CLYBL: variants seen among roughly 807,000 people sequenced by gnomAD.
The protein encoded by CLYBL is citramalyl-CoA lyase.
CLYBL carries 31 observed loss-of-function variants against 38.9 expected under a neutral mutation model. The ratio of observed to expected loss-of-function variants is 0.80; its 90% CI spans 0.60 to 1.08. The LOEUF is 1.08. Among genes scored for constraint, CLYBL ranks in the 50% least tolerant of loss-of-function variants. The pLI is 0.00. For missense variants in CLYBL, 434 were observed against 411.6 expected (o/e 1.05, Z -0.47); for synonymous variants, 171 against 158.6 (o/e 1.08, Z -0.59).
At chr13:99,867,537 G>A (rs1449040220) in intron 6 of CLYBL, among the ~76,000 whole-genome samples, 1 of 151,972 alleles carries the variant, frequency 6.6e-6, no homozygotes, top group African/African-American at 2.4e-5. Context: ...ATCTCGTATA[G>A]GGAAATACTC....
intron 1 of CLYBL, among the ~76,000 whole-genome samples, chr13:99,607,442 A>T (rs2046545118): frequency 6.6e-6 from 1 of 152,178 alleles, no homozygotes; most frequent in African/African-American, 2.4e-5. Flanking sequence ...GCAGATGCAG[A>T]TATTAGTTGG....
chr13:99,880,068 A>ATATATT lies in CLYBL; in HGVS notation c.927+9007_927+9008insATATTT, dbSNP rs34063235. ...TGTGTATGTATATATATATATATATATTTTTTTTTTTTTTTTTGAGACAGA... is the reference window on the plus strand; with the variant it reads ...TGTGTATGTATATATATATATATATATATATTTTTTTTTTTTTTTTTTTGAGACAGA... On this transcript the variant is annotated intron_variant, in intron 7 of 8. Transcript: ENST00000339105. Among the ~76,000 whole-genome samples, 560 of 101,184 alleles carry ATATATT rather than the reference A, an allele frequency of 5.5e-3. 10 individuals carry two copies. The highest frequency in any genetic ancestry group is 0.011 in the African/African-American group (282 of 24,658). 66.4% of individuals were successfully genotyped at this position (101,184 alleles called of 152,430 possible).
intron 2 of CLYBL, among the ~76,000 whole-genome samples, chr13:99,782,655 T>C (rs2049684002): frequency 6.6e-6 from 1 of 152,242 alleles, no homozygotes; most frequent in Non-Finnish European, 1.5e-5. Flanking sequence ...ACTGAAGTTT[T>C]ACTAAAATGT....
chr13:99,867,830 G>A (rs372709303), intron 6 of CLYBL, among the ~76,000 whole-genome samples: 7 of 152,154 alleles, frequency 4.6e-5, no homozygotes, highest in Non-Finnish European at 8.8e-5. Flanking sequence ...GCACTGCATC[G>A]ACACTGGCCC....
intron 1 of CLYBL, among the ~76,000 whole-genome samples, chr13:99,627,988 T>G (rs2046893149): frequency 6.6e-6 from 1 of 152,228 alleles, no homozygotes; most frequent in Non-Finnish European, 1.5e-5. Flanking sequence ...GGTGCTGTAT[T>G]TGGCATGTTG....
intron 2 of CLYBL, among the ~76,000 whole-genome samples, chr13:99,858,463 T>C (rs886119728): frequency 6.6e-6 from 1 of 152,206 alleles, no homozygotes; most frequent in Non-Finnish European, 1.5e-5. Context: ...TTAGCCAATT[T>C]CTTATGTTTA....
At chr13:99,721,765 G>A (rs562020468) in intron 1 of CLYBL, among the ~76,000 whole-genome samples, 1 of 152,106 alleles carries the variant, frequency 6.6e-6, no homozygotes, top group South Asian at 2.1e-4. Context: ...GGTACCCATT[G>A]GCCCGCATGT....
chr13:99,761,645 T>G (rs960983922), intron 1 of CLYBL, among the ~76,000 whole-genome samples: 3 of 152,232 alleles, frequency 2.0e-5, no homozygotes, highest in Admixed American at 2.0e-4. Flanking sequence ...AACATACTCA[T>G]TTTGATATAT....
intron 1 of CLYBL, among the ~76,000 whole-genome samples, chr13:99,628,845 G>T (rs1368858691): frequency 6.6e-6 from 1 of 152,198 alleles, no homozygotes; most frequent in Non-Finnish European, 1.5e-5. Context: ...TTGTGATATT[G>T]TTATTTTCTG....
At chr13:99,638,877 G>A (rs564014030) in intron 1 of CLYBL, among the ~76,000 whole-genome samples, 39 of 152,274 alleles carry the variant, frequency 2.6e-4, no homozygotes, top group African/African-American at 7.5e-4. Flanking sequence ...CCATCACTGG[G>A]TCAGAGAGCC....
At chr13:99,888,153 G>T (rs1428869203) in intron 7 of CLYBL, among the ~76,000 whole-genome samples, 1 of 152,150 alleles carries the variant, frequency 6.6e-6, no homozygotes, top group African/African-American at 2.4e-5. Flanking sequence ...CCATGCACAG[G>T]CTGCAGAGTT....
At chr13:99,749,604 A>G (rs2048917968) in intron 1 of CLYBL, among the ~76,000 whole-genome samples, 1 of 152,212 alleles carries the variant, frequency 6.6e-6, no homozygotes, top group African/African-American at 2.4e-5. Flanking sequence ...ACAAAAGACC[A>G]TGTCTTCATT....
chr13:99,875,717 T>A (rs1393453962), intron 7 of CLYBL, among the ~76,000 whole-genome samples: 1 of 152,184 alleles, frequency 6.6e-6, no homozygotes, highest in African/African-American at 2.4e-5. Context: ...CAACAGTGTA[T>A]CCTCCCACAC....
At chr13:99,679,554 T>G (rs2047703839) in intron 1 of CLYBL, among the ~76,000 whole-genome samples, 1 of 152,142 alleles carries the variant, frequency 6.6e-6, no homozygotes, top group South Asian at 2.1e-4. Context: ...ACTTTCTTTT[T>G]CCTTGTGAAT....
intron 1 of CLYBL, among the ~76,000 whole-genome samples, chr13:99,709,192 T>C (rs753370620): frequency 6.6e-6 from 1 of 152,060 alleles, no homozygotes; most frequent in Non-Finnish European, 1.5e-5. Context: ...GAGATAGACA[T>C]GCATAGAGGG....
At chr13:99,640,470 T>C (rs2047077315) in intron 1 of CLYBL, among the ~76,000 whole-genome samples, 1 of 152,240 alleles carries the variant, frequency 6.6e-6, no homozygotes, top group African/African-American at 2.4e-5. Context: ...CTAAGGCTAG[T>C]GGAAAATAGT....
At chr13:99,743,966 C>CTTTTTTTTT (rs1162079530) in intron 1 of CLYBL, among the ~76,000 whole-genome samples, 209 of 69,168 alleles carry the variant, frequency 3.0e-3, no homozygotes, top group African/African-American at 4.6e-3. Context: ...TCTCTTCTTT[C>CTTTTTTTTT]TTTTTTTTTT....
chr13:99,750,548 C>T (rs1484391628), intron 1 of CLYBL, among the ~76,000 whole-genome samples: 1 of 151,964 alleles, frequency 6.6e-6, no homozygotes, highest in South Asian at 2.1e-4. Flanking sequence ...GTAGCAGGCA[C>T]CTGTAATCCC....
intron 2 of CLYBL, among the ~76,000 whole-genome samples, chr13:99,848,954 C>G (rs1350232327): frequency 6.6e-6 from 1 of 152,112 alleles, no homozygotes; most frequent in East Asian, 1.9e-4. Flanking sequence ...GCCTGGCCAA[C>G]GTGGTGAAAC....
Sources: gnomAD v4.1 joint callset for allele counts (sites outside exome capture counted in the v4.1 genomes callset) on GRCh38, gnomAD v4.1.1 for gene constraint, MANE v1.5 for transcripts, NCBI Gene and HGNC (gene_info 2026-07-23, HGNC 2026-07-21) for gene names.